The following ZNF518B variants were observed in gnomAD, a reference collection of about 807,000 sequenced individuals.
ZNF518B encodes the protein zinc finger protein 518B.
A neutral mutation model predicts 56.3 loss-of-function variants in ZNF518B; 23 were observed. The ratio of observed to expected loss-of-function variants is 0.41; its 90% CI spans 0.29 to 0.58. ZNF518B has a LOEUF of 0.58. Ranked by LOEUF, ZNF518B falls within the 20% of genes least tolerant of loss-of-function variation. The pLI, the probability that ZNF518B is intolerant of heterozygous loss-of-function variation, is 0.32. For missense variants in ZNF518B, 1,460 were observed against 1,272.1 expected (o/e 1.15, Z -2.25); for synonymous variants, 529 against 465.9 (o/e 1.14, Z -1.74).
chr4:10,455,402 T>C (rs1715485646), intron 1 of ZNF518B, among the ~76,000 whole-genome samples: 1 of 152,186 alleles, frequency 6.6e-6, no homozygotes, highest in Non-Finnish European at 1.5e-5. Context: ...CCCTCCCTGG[T>C]AAGGATCTTG....
Position 10,453,620 on chromosome 4 carries a change from T to C in ZNF518B, c.-212+1185A>G, listed in dbSNP as rs1715415174. 2.0e-5 allele frequency: 3 copies of C among 152,020 alleles called. No homozygotes were observed. The South Asian group carries it at 6.2e-4, about 32-fold the overall frequency. The allele number at this position is 152,020 out of a possible 1,614,324, so 9.4% of individuals were successfully genotyped here. A position where few individuals can be genotyped will look rare whatever the true frequency, so the allele number is the denominator to read the frequency against. On this transcript the variant is annotated intron_variant, in intron 2 of 2. Transcript: ENST00000326756. Reference sequence around the variant, plus strand: ...TTGTTAAGCATTAAAAATACATATATGGTAAAAATAAGGTAGTATCACACG... The same window carrying C: ...TTGTTAAGCATTAAAAATACATATACGGTAAAAATAAGGTAGTATCACACG...
chr4:10,455,171 A>G (rs1715477339), intron 1 of ZNF518B, among the ~76,000 whole-genome samples, 183 bp from the exon 2 acceptor site: 1 of 152,218 alleles, frequency 6.6e-6, no homozygotes, highest in South Asian at 2.1e-4. Flanking sequence ...AGATCAGGTT[A>G]CCATTTCCTA....
At chr4:10,460,337 A>AAAAAAAAAAG (rs1445350067), upstream of ZNF518B, among the ~76,000 whole-genome samples, 1 of 148,406 alleles carries the variant, frequency 6.7e-6, no homozygotes, top group Admixed American at 6.7e-5. Flanking sequence ...AAAAAAAAAA[A>AAAAAAAAAAG]ACCGACCATG....
In ZNF518B at chr4:10,446,028, C is replaced by G. The variant is rs764913185; in HGVS notation, c.301G>C (p.Val101Leu). The G allele has an allele frequency of 6.2e-7, 1 of 1,614,122 alleles. No homozygotes were observed. Among genetic ancestry groups the G allele is most frequent in the Non-Finnish European group, 8.5e-7 (1 of 1,180,034 alleles). The change falls in exon 3 of 3, where the codon GTG becomes CTG. Residue 101 changes from valine (V) to leucine (L), a missense_variant. By Grantham distance (32) the Val-to-Leu change is conservative (BLOSUM62 1). Transcript: ENST00000326756. Reference protein sequence around the residue: ...LGAAPPNFHFVSNNSSATHVG... With the variant: ...LGAAPPNFHFLSNNSSATHVG... The stretch of plus-strand genomic sequence containing the variant: ...TGAGTCGCACTGGAATTATTGCTCA[C>G]AAAATGAAAATTGGGAGGAGCTGCA...
Position 10,440,264 on chromosome 4 carries a change from C to G in ZNF518B, c.*2840G>C. The G allele has an allele frequency of 6.7e-6, 1 of 149,354 alleles. No homozygotes were observed. Among genetic ancestry groups the G allele is most frequent in the East Asian group, 2.0e-4 (1 of 5,062 alleles). The allele number at this position is 149,354 out of a possible 1,614,324, so 9.3% of individuals were successfully genotyped here. On this transcript the variant is annotated 3_prime_UTR_variant, in exon 3 of 3. Transcript: ENST00000326756. ...GATACAAAATTGAATATAATATAGT[C>G]TATCAGAGTATACTTTGGGTCAGGT... is the stretch of plus-strand genomic sequence containing the variant.
chr4:10,445,995 T>G lies in ZNF518B; in HGVS notation c.334A>C (p.Asn112His). The change falls in exon 3 of 3, where the codon AAT becomes CAT. Residue 112 changes from asparagine (N) to histidine (H), a missense_variant. Transcript: ENST00000326756. ...GAACTTGAGAAGTTTTCAGTTTTATTTCCAACATGAGTCGCACTGGAATTA... is the reference window on the plus strand; with the variant it reads ...GAACTTGAGAAGTTTTCAGTTTTATGTCCAACATGAGTCGCACTGGAATTA... ...SNNSSATHVG[N>H]KTENFSSSVN... 6.2e-7 allele frequency: 1 copy of G among 1,614,188 alleles called. No homozygotes were observed. Among genetic ancestry groups the G allele is most frequent in the Non-Finnish European group, 8.5e-7 (1 of 1,180,036 alleles).
At chr4:10,455,984 T>C (rs1433497067) in intron 1 of ZNF518B, among the ~76,000 whole-genome samples, 2 of 152,194 alleles carry the variant, frequency 1.3e-5, no homozygotes, top group Admixed American at 1.3e-4. Context: ...GAACTTTGCA[T>C]ATGTGACTCA....
In ZNF518B at chr4:10,444,725, G is replaced by A; in HGVS notation, c.1604C>T (p.Ala535Val). ...QQLLPFAASP[A>V]TCSFSGEKGL... ...CTTTTCTCCAGAGAAGGAACAGGTT[G>A]CAGGTGATGCAGCAAATGGGAGTAA... Residue 535 changes from alanine to valine, a missense_variant, in exon 3 of 3, where the codon GCA (alanine) becomes GTA (valine). Coordinates refer to ENST00000326756, the MANE Select transcript of ZNF518B (RefSeq NM_053042.3). 1 of 1,614,176 alleles carries A rather than the reference G, an allele frequency of 6.2e-7. No homozygotes were observed.
intron 1 of ZNF518B, among the ~76,000 whole-genome samples, chr4:10,455,570 G>A (rs1441975161): frequency 3.3e-5 from 5 of 152,044 alleles, no homozygotes; most frequent in African/African-American, 4.8e-5. Context: ...AACTGGCCCC[G>A]ATGCCCTTAC....
At chr4:10,448,199 A>T (rs1006915041) in intron 2 of ZNF518B, among the ~76,000 whole-genome samples, 1 of 152,176 alleles carries the variant, frequency 6.6e-6, no homozygotes, top group African/African-American at 2.4e-5. Context: ...AGTATAAGAG[A>T]AGACTTTTGA....
Position 10,442,951 on chromosome 4 carries a change from G to A in ZNF518B, c.*153C>T, listed in dbSNP as rs1714748102. 1.5e-6 allele frequency: 1 copy of A among 686,198 alleles called. No homozygotes were observed. The highest frequency in any genetic ancestry group is 2.4e-6 in the Non-Finnish European group (1 of 424,936). 42.5% of individuals were successfully genotyped at this position (686,198 alleles called of 1,614,324 possible). A position where few individuals can be genotyped will look rare whatever the true frequency, so the allele number is the denominator to read the frequency against. On this transcript the variant is annotated 3_prime_UTR_variant, in exon 3 of 3. Coordinates refer to ENST00000326756, the MANE Select transcript of ZNF518B (RefSeq NM_053042.3). Reference sequence around the variant, plus strand: ...TCTGGGGTCCAATCACATACTTCAGGTTCAGACTCCTAGCTCCCAATATTC... The same window carrying A: ...TCTGGGGTCCAATCACATACTTCAGATTCAGACTCCTAGCTCCCAATATTC...
At chr4:10,456,737 G>C (rs1469027609) in intron 1 of ZNF518B, among the ~76,000 whole-genome samples, 2 of 152,204 alleles carry the variant, frequency 1.3e-5, no homozygotes, top group Non-Finnish European at 2.9e-5. Context: ...GAAGGCCGGG[G>C]TTCTTCCAAC....
At chr4:10,448,421 T>C (rs1715163066) in intron 2 of ZNF518B, among the ~76,000 whole-genome samples, 1 of 152,142 alleles carries the variant, frequency 6.6e-6, no homozygotes, top group South Asian at 2.1e-4. Context: ...AGTAACGCAC[T>C]CAGATCTGGT....
Position 10,446,146 on chromosome 4 carries a change from T to G in ZNF518B, c.183A>C (p.Ala61=), listed in dbSNP as rs767082360. ...AGATCTTGTGAACACTTTTGCACTT[T>G]GCACATGTAGCAATGGTCATCATGG... ...EAAMMTIATC[A]KCKSVHKISL... Residue 61 remains alanine (A), a synonymous_variant, in exon 3 of 3, where the codon GCA becomes GCC. Transcript: ENST00000326756. 1 of 1,614,240 alleles carries G rather than the reference T, an allele frequency of 6.2e-7. No individual in the cohort carries two copies. The highest frequency in any genetic ancestry group is 1.1e-5 in the South Asian group (1 of 91,088).
Position 10,443,226 on chromosome 4 carries a change from C to T in ZNF518B, c.3103G>A (p.Val1035Ile), listed in dbSNP as rs1232212211. The change falls in exon 3 of 3, where the codon GTA (valine) becomes ATA (isoleucine). Residue 1035 changes from valine (V) to isoleucine (I), a missense_variant. Val to Ile is a conservative substitution (Grantham distance 29). Transcript: ENST00000326756. ...CGCCCACAAAACCAGCACTTAAATA[C>T]ACACTGTGAAGAATCATCAGGCAAG... ...DSLPDDSSQC[V>I]FKCWFCGRLY... 2 of 1,614,116 alleles carry T rather than the reference C, an allele frequency of 1.2e-6. No homozygotes were observed. The highest frequency in any genetic ancestry group is 2.2e-5 in the East Asian group (1 of 44,902).
rs770523959 is a variant in ZNF518B at position 10,444,125 on chromosome 4, C to A, written c.2204G>T (p.Gly735Val). The A allele has an allele frequency of 6.2e-6, 10 of 1,614,210 alleles. No homozygotes were observed. Among genetic ancestry groups the A allele is most frequent in the Middle Eastern group, 1.6e-4 (1 of 6,062 alleles). The change falls in exon 3 of 3, where the codon GGT becomes GTT. Residue 735 changes from glycine to valine, a missense_variant. Coordinates refer to ENST00000326756, the MANE Select transcript of ZNF518B (RefSeq NM_053042.3). ...TTGTTGATGAGTAAGCTGTCTATTA[C>A]CAGTAATACCACCATCATTCGGAGG... Reference protein sequence around the residue: ...QKPPNDGGITGNRQLTHQQIY... With the variant: ...QKPPNDGGITVNRQLTHQQIY...
Position 10,444,953 on chromosome 4 carries a change from G to C in ZNF518B, c.1376C>G (p.Thr459Arg). The C allele has an allele frequency of 6.2e-7, 1 of 1,612,196 alleles. No homozygotes were observed. ...ATTTTTTTTCTGAAAATCCTCAATT[G>C]TTTCCGAATTAATGAAGGATTTTCC... is the stretch of plus-strand genomic sequence containing the variant. ...NNGKSFINSE[T>R]IEDFQKKNNL... is the part of the protein sequence containing the mutation. The change falls in exon 3 of 3, where the codon ACA becomes AGA. Residue 459 changes from threonine (T) to arginine (R), a missense_variant. Transcript: ENST00000326756.
chr4:10,461,266 C>T (rs941223633), upstream of ZNF518B, among the ~76,000 whole-genome samples: 1 of 152,278 alleles, frequency 6.6e-6, no homozygotes, highest in African/African-American at 2.4e-5. Context: ...CCCAGCCGCC[C>T]TTTCCCGCCC....
chr4:10,453,581 G>A (rs1715413273), intron 2 of ZNF518B: 1 of 151,946 alleles, frequency 6.6e-6, no homozygotes, highest in Admixed American at 6.5e-5. Flanking sequence ...AAATGTGAAA[G>A]AGCAAATATG....
Sources: gnomAD v4.1 joint callset for allele counts (sites outside exome capture counted in the v4.1 genomes callset) on GRCh38, gnomAD v4.1.1 for gene constraint, MANE v1.5 for transcripts, NCBI Gene and HGNC (gene_info 2026-07-23, HGNC 2026-07-21) for gene names.